The following RAPGEF5 variants were observed in gnomAD, a reference collection of about 807,000 sequenced individuals.
RAPGEF5 encodes Rap guanine nucleotide exchange factor 5.
A neutral mutation model predicts 125.2 loss-of-function variants in RAPGEF5; 65 were observed. The ratio of observed to expected loss-of-function variants is 0.52; its 90% CI spans 0.43 to 0.64. The LOEUF (loss-of-function observed/expected upper bound fraction) is 0.64, where lower values mean the gene tolerates loss of function less well. Ranked by LOEUF, RAPGEF5 falls within the 30% of genes least tolerant of loss-of-function variation. The probability of loss-of-function intolerance (pLI) is 0.00; values close to 1 mark genes in which losing one functional copy is unlikely to be tolerated. For synonymous variants in RAPGEF5, 391 were observed against 385.9 expected, an observed-to-expected ratio of 1.01 and a Z score of -0.16; for missense variants, 958 against 1,048.1, an observed-to-expected ratio of 0.91 and a Z score of 1.19.
chr7:22,256,380 G>C (rs1325493328), intron 7 of RAPGEF5, among the ~76,000 whole-genome samples: 2 of 152,132 alleles, frequency 1.3e-5, no homozygotes, highest in African/African-American at 4.8e-5. Context: ...AATGTAAAAA[G>C]TGAAAACATT....
At chr7:22,316,479 ATATATATATATTT>A (rs1310699733) in intron 2 of RAPGEF5, among the ~76,000 whole-genome samples, 10 of 92,846 alleles carry the variant, frequency 1.1e-4, no homozygotes, top group South Asian at 4.2e-4. Context: ...ATATATATAT[ATATATATATATTT>A]TTTTTTTTTT....
intron 5 of RAPGEF5, among the ~76,000 whole-genome samples, chr7:22,304,962 T>C (rs948316813): frequency 6.6e-6 from 1 of 152,204 alleles, no homozygotes; most frequent in African/African-American, 2.4e-5. Flanking sequence ...AAATCCATAA[T>C]CATTTCACCA....
At chr7:22,135,178 T>A (rs968052424) in intron 23 of RAPGEF5, among the ~76,000 whole-genome samples, 1 of 152,194 alleles carries the variant, frequency 6.6e-6, no homozygotes, top group East Asian at 1.9e-4. Flanking sequence ...TCTAGAATCA[T>A]GTGTATGGGT....
At chr7:22,203,421 C>CTATG (rs1171545760) in intron 9 of RAPGEF5, among the ~76,000 whole-genome samples, 1 of 152,234 alleles carries the variant, frequency 6.6e-6, no homozygotes, top group Non-Finnish European at 1.5e-5. Context: ...AGCTAATGCT[C>CTATG]TATGGGCTCT....
chr7:22,146,395 T>C (rs1783440075), intron 19 of RAPGEF5, among the ~76,000 whole-genome samples: 1 of 152,234 alleles, frequency 6.6e-6, no homozygotes, highest in Non-Finnish European at 1.5e-5. Context: ...TGTCCTCAAG[T>C]GAAAAACTGA....
At chr7:22,291,853 C>A (rs991114125) in intron 5 of RAPGEF5, among the ~76,000 whole-genome samples, 1 of 152,154 alleles carries the variant, frequency 6.6e-6, no homozygotes, top group Admixed American at 6.5e-5. Context: ...AATGTAAGAT[C>A]AGTTTGTTTG....
intron 1 of RAPGEF5, among the ~76,000 whole-genome samples, chr7:22,352,249 T>C (rs1299239672): frequency 2.6e-5 from 4 of 152,166 alleles, no homozygotes; most frequent in Non-Finnish European, 5.9e-5. Flanking sequence ...GGAATAGCTG[T>C]TATCAGTTCT....
In RAPGEF5 at chr7:22,144,548, G is replaced by A. The variant is rs534907535; in HGVS notation, c.2186+496C>T. On this transcript the variant is annotated intron_variant, in intron 20 of 25. Coordinates refer to ENST00000665637, the MANE Select transcript of RAPGEF5 (RefSeq NM_012294.5). Reference sequence around the variant, plus strand: ...CATGGGAGGGACAGACATTTAGAGTGGCTAGAGCATGGGGTGCACCCAGGG... The same window carrying A: ...CATGGGAGGGACAGACATTTAGAGTAGCTAGAGCATGGGGTGCACCCAGGG... 2.6e-5 allele frequency among the ~76,000 whole-genome samples: 4 copies of A among 152,314 alleles called. No individual in the cohort carries two copies. The East Asian group carries it at 5.8e-4, about 22-fold the overall frequency.
chr7:22,213,140 C>T (rs966773965), intron 9 of RAPGEF5, among the ~76,000 whole-genome samples: 15 of 152,186 alleles, frequency 9.9e-5, no homozygotes, highest in African/African-American at 3.6e-4. Context: ...CTCTTCAAAA[C>T]CGCTCAAACT....
intron 8 of RAPGEF5, among the ~76,000 whole-genome samples, chr7:22,230,142 C>A (rs1009956609): frequency 1.9e-4 from 29 of 152,204 alleles, no homozygotes; most frequent in African/African-American, 6.5e-4. Context: ...GGTAAATACA[C>A]TGAGCTGGGG....
At chr7:22,310,671 C>T (rs1483323356) in intron 3 of RAPGEF5, among the ~76,000 whole-genome samples, 7 of 151,928 alleles carry the variant, frequency 4.6e-5, no homozygotes, top group Admixed American at 3.9e-4. Flanking sequence ...AGTTTGTTTG[C>T]TATTCTTCAA....
Position 22,136,952 on chromosome 7 carries a change from G to C in RAPGEF5, c.2309C>G (p.Ser770Cys), listed in dbSNP as rs763827315. The change falls in exon 22 of 26, where the codon TCT becomes TGT. Residue 770 changes from serine to cysteine, a missense_variant. Ser to Cys is a moderately radical substitution (Grantham distance 112). Coordinates refer to ENST00000665637, the MANE Select transcript of RAPGEF5 (RefSeq NM_012294.5). ...ACTTACTGTTAAACTTTCAAGTTCA[G>C]AGAAAAGTTTCTTAAACTTCCCAGG... ...KIPGKFKKLFSELESLTDPSL... is the reference protein window; with the variant it reads ...KIPGKFKKLFCELESLTDPSL... 1.1e-5 allele frequency: 18 copies of C among 1,587,140 alleles called. No individual in the cohort carries two copies. Among genetic ancestry groups the C allele is most frequent in the Non-Finnish European group, 1.5e-5 (18 of 1,162,492 alleles).
intron 2 of RAPGEF5, among the ~76,000 whole-genome samples, chr7:22,315,961 G>T (rs1037141793): frequency 6.6e-6 from 1 of 152,034 alleles, no homozygotes; most frequent in Admixed American, 6.6e-5. Context: ...TTGACAGCAG[G>T]CTGCTTTACT....
intron 7 of RAPGEF5, among the ~76,000 whole-genome samples, chr7:22,264,894 G>A (rs964754880): frequency 2.6e-5 from 4 of 152,142 alleles, no homozygotes; most frequent in Admixed American, 6.5e-5. Flanking sequence ...TGTACGGACT[G>A]TACATTTGTC....
chr7:22,149,007 G>A (rs1278551152), intron 18 of RAPGEF5, among the ~76,000 whole-genome samples: 1 of 152,148 alleles, frequency 6.6e-6, no homozygotes, highest in Non-Finnish European at 1.5e-5. Context: ...CACAGGAAAG[G>A]TCCAAGTAAG....
At chr7:22,267,993 G>A (rs1317587595) in intron 6 of RAPGEF5, among the ~76,000 whole-genome samples, 2 of 152,044 alleles carry the variant, frequency 1.3e-5, no homozygotes, top group East Asian at 3.9e-4. Flanking sequence ...TTCATTTACT[G>A]GAAGGCAAGT....
At chr7:22,123,936 T>C (rs1239956270) in intron 25 of RAPGEF5, among the ~76,000 whole-genome samples, 1 of 152,262 alleles carries the variant, frequency 6.6e-6, no homozygotes, top group African/African-American at 2.4e-5. Flanking sequence ...TTTCATATTT[T>C]ATCCCAAATG....
At chr7:22,219,595 A>G (rs1785727935) in intron 9 of RAPGEF5, among the ~76,000 whole-genome samples, 1 of 152,000 alleles carries the variant, frequency 6.6e-6, no homozygotes, top group East Asian at 1.9e-4. Context: ...CAGGATCATA[A>G]ATAGATAAGG....
Position 22,160,498 on chromosome 7 carries a change from T to C in RAPGEF5, c.1526+20A>G. 1 of 1,533,580 alleles carries C rather than the reference T, an allele frequency of 6.5e-7. No homozygotes were observed. The allele number at this position is 1,533,580 out of a possible 1,614,324, so 95.0% of individuals were successfully genotyped here. On this transcript the variant is annotated intron_variant, in intron 14 of 25. Coordinates refer to ENST00000665637, the MANE Select transcript of RAPGEF5 (RefSeq NM_012294.5). The stretch of plus-strand genomic sequence containing the variant: ...GCTGTTTTCTTTCATTAACTATAAT[T>C]AGGAAAATGAAATACTTACTGACGA...
Sources: allele counts gnomAD v4.1 joint callset (sites outside exome capture counted in the v4.1 genomes callset), GRCh38; gene constraint gnomAD v4.1.1; transcripts MANE v1.5; gene names NCBI Gene and HGNC (gene_info 2026-07-23, HGNC 2026-07-21).